Variants in CACNA2D3 observed in about 807,000 individuals in gnomAD.
CACNA2D3 encodes the protein calcium voltage-gated channel auxiliary subunit alpha2delta 3, also known as voltage-dependent calcium channel subunit alpha-2/delta-3.
In CACNA2D3, 60 loss-of-function variants were observed where a neutral mutation model predicts 160.6. The ratio of observed to expected loss-of-function variants is 0.37; its 90% CI spans 0.30 to 0.46. The LOEUF (loss-of-function observed/expected upper bound fraction) is 0.46. Among genes scored for constraint, CACNA2D3 ranks in the 20% least tolerant of loss-of-function variants. The probability of loss-of-function intolerance (pLI) is 1.00; values close to 1 mark genes in which losing one functional copy is unlikely to be tolerated. For missense variants in CACNA2D3, 1,205 were observed against 1,365.0 expected (o/e 0.88, Z 1.85); for synonymous variants, 558 against 492.9 (o/e 1.13, Z -1.75).
chr3:54,796,282 A>G (rs1702864565), intron 13 of CACNA2D3, among the ~76,000 whole-genome samples: 1 of 152,188 alleles, frequency 6.6e-6, no homozygotes. Context: ...CCTCATTTGC[A>G]GAGTGAAGAT....
chr3:54,935,702 A>G (rs915373545), intron 27 of CACNA2D3, among the ~76,000 whole-genome samples: 1 of 152,174 alleles, frequency 6.6e-6, no homozygotes, highest in Non-Finnish European at 1.5e-5. Context: ...CTATAACGTG[A>G]TAGTTCAGTT....
intron 4 of CACNA2D3, among the ~76,000 whole-genome samples, chr3:54,478,152 A>G (rs1391416149): frequency 6.6e-6 from 1 of 152,142 alleles, no homozygotes; most frequent in African/African-American, 2.4e-5. Context: ...TTTTCTGGGA[A>G]TGCTACAAAG....
intron 11 of CACNA2D3, among the ~76,000 whole-genome samples, chr3:54,728,300 G>C (rs1701315993): frequency 6.6e-6 from 1 of 151,936 alleles, no homozygotes. Context: ...GTTCGACCTG[G>C]ATATTTCTAC....
At chr3:55,028,196 T>C (rs1036395525) in intron 35 of CACNA2D3, among the ~76,000 whole-genome samples, 4 of 152,198 alleles carry the variant, frequency 2.6e-5, no homozygotes, top group African/African-American at 9.7e-5. Context: ...AACCTTCAAA[T>C]TGGCAACTCC....
chr3:54,502,034 A>C (rs1701303136), intron 4 of CACNA2D3, among the ~76,000 whole-genome samples: 1 of 151,876 alleles, frequency 6.6e-6, no homozygotes, highest in Admixed American at 6.6e-5. Flanking sequence ...AGATTCTCCC[A>C]CCCTCTTTCT....
chr3:54,869,188 A>G (rs988459069), intron 17 of CACNA2D3, among the ~76,000 whole-genome samples: 5 of 152,196 alleles, frequency 3.3e-5, no homozygotes, highest in Non-Finnish European at 7.3e-5. Flanking sequence ...GCTCTTTAAC[A>G]GTGGTTGAAA....
chr3:55,061,527 C>T (rs1704504546), intron 35 of CACNA2D3, among the ~76,000 whole-genome samples: 1 of 152,186 alleles, frequency 6.6e-6, no homozygotes, highest in Non-Finnish European at 1.5e-5. Context: ...CTCAAGCAAG[C>T]TTAAACAATA....
intron 4 of CACNA2D3, among the ~76,000 whole-genome samples, chr3:54,428,243 G>A (rs1699937663): frequency 6.6e-6 from 1 of 152,164 alleles, no homozygotes; most frequent in South Asian, 2.1e-4. Context: ...GACTTTCTCA[G>A]GTTCTTCGTA....
At chr3:55,073,725 A>G in intron 36 of CACNA2D3, 52 bp from the exon 37 acceptor site, 3 of 1,488,380 alleles carry the variant, frequency 2.0e-6, no homozygotes, top group Non-Finnish European at 2.8e-6. Context: ...GACCTCTGAA[A>G]TGCAGAGTAG....
chr3:54,216,595 TCACAGAAGG>T (rs772190830), intron 2 of CACNA2D3, among the ~76,000 whole-genome samples: 1 of 152,210 alleles, frequency 6.6e-6, no homozygotes, highest in Non-Finnish European at 1.5e-5. Context: ...AAAAAGCATT[TCACAGAAGG>T]CGTGATGGCT....
At chr3:54,822,746 CTTTCT>C (rs1559595379) in intron 14 of CACNA2D3, among the ~76,000 whole-genome samples, 157 of 64,136 alleles carry the variant, frequency 2.4e-3, no homozygotes, top group African/African-American at 0.01. Flanking sequence ...TTCTTTCTTT[CTTTCT>C]TTCTTTCTTT....
chr3:54,251,780 G>A (rs1297371249), intron 2 of CACNA2D3, among the ~76,000 whole-genome samples: 1 of 152,198 alleles, frequency 6.6e-6, no homozygotes, highest in Non-Finnish European at 1.5e-5. Context: ...CTGACATGGA[G>A]CAGCGTTAGT....
chr3:54,803,820 C>A (rs1703051245), intron 13 of CACNA2D3, among the ~76,000 whole-genome samples: 1 of 152,084 alleles, frequency 6.6e-6, no homozygotes. Flanking sequence ...GTCGGATTAC[C>A]CACAAAGGGA....
intron 3 of CACNA2D3, among the ~76,000 whole-genome samples, chr3:54,326,119 G>C (rs568760578): frequency 6.6e-6 from 1 of 152,166 alleles, no homozygotes; most frequent in African/African-American, 2.4e-5. Flanking sequence ...TCAGTCCACC[G>C]ATAGGGGTTT....
At chr3:55,041,720 G>T (rs1167664921) in intron 35 of CACNA2D3, among the ~76,000 whole-genome samples, 1 of 151,078 alleles carries the variant, frequency 6.6e-6, no homozygotes, top group East Asian at 1.9e-4. Context: ...GGGTTTATTT[G>T]CTTTTTTTCT....
At chr3:54,476,129 A>G (rs1021680556) in intron 4 of CACNA2D3, among the ~76,000 whole-genome samples, 4 of 149,338 alleles carry the variant, frequency 2.7e-5, no homozygotes, top group South Asian at 2.1e-4. Context: ...GAAACTTAGC[A>G]TAATGTCCTC....
intron 9 of CACNA2D3, among the ~76,000 whole-genome samples, chr3:54,622,505 G>A (rs1699010368): frequency 6.6e-6 from 1 of 151,984 alleles, no homozygotes; most frequent in East Asian, 1.9e-4. Context: ...GCGATCTCCT[G>A]ACCTCGTGAT....
At chr3:54,324,796 A>G (rs1185280367) in intron 3 of CACNA2D3, among the ~76,000 whole-genome samples, 1 of 152,182 alleles carries the variant, frequency 6.6e-6, no homozygotes, top group Non-Finnish European at 1.5e-5. Context: ...TAACATTTCA[A>G]GGGAGATATT....
At chr3:55,063,178 G>A (rs1389671688) in intron 35 of CACNA2D3, among the ~76,000 whole-genome samples, 1 of 152,136 alleles carries the variant, frequency 6.6e-6, no homozygotes, top group Admixed American at 6.5e-5. Context: ...ACACTCAGAG[G>A]CTTGCTGGTC....
Sources: allele counts gnomAD v4.1 joint callset (sites outside exome capture counted in the v4.1 genomes callset), GRCh38; gene constraint gnomAD v4.1.1; transcripts MANE v1.5; gene names NCBI Gene and HGNC (gene_info 2026-07-23, HGNC 2026-07-21).